The following STPG4 variants were observed in gnomAD, a reference collection of about 807,000 sequenced individuals.
STPG4 encodes sperm-tail PG-rich repeat containing 4, also known as protein STPG4.
In STPG4, 41 loss-of-function variants were observed where a neutral mutation model predicts 31.5. That is an observed-to-expected ratio of 1.30 (90% confidence interval 1.01 to 1.69). The LOEUF (loss-of-function observed/expected upper bound fraction) is 1.69, where lower values mean the gene tolerates loss of function less well. Among genes scored for constraint, STPG4 ranks in the 40% most tolerant of loss-of-function variants. The pLI, the probability that STPG4 is intolerant of heterozygous loss-of-function variation, is 0.00. For missense variants in STPG4, 375 were observed against 293.4 expected, an observed-to-expected ratio of 1.28 and a Z score of -2.03; for synonymous variants, 141 against 103.0, an observed-to-expected ratio of 1.37 and a Z score of -2.24.
chr2:47,133,015 A>C (rs534467358), intron 3 of STPG4, among the ~76,000 whole-genome samples: 10 of 152,292 alleles, frequency 6.6e-5, no homozygotes, highest in South Asian at 2.1e-4. Flanking sequence ...AACGTAATTG[A>C]AAGGGGGCTT....
At chr2:47,145,042 T>C (rs966924312) in intron 3 of STPG4, among the ~76,000 whole-genome samples, 1 of 152,204 alleles carries the variant, frequency 6.6e-6, no homozygotes, top group Admixed American at 6.5e-5. Context: ...AGAAGAGTTT[T>C]TAAAAAGATA....
intron 6 of STPG4, 22 bp downstream of exon 6, chr2:47,090,248 A>G (rs1362243963): frequency 6.6e-7 from 1 of 1,511,868 alleles, no homozygotes; most frequent in African/African-American, 1.4e-5. Context: ...GTGGGGGGCG[A>G]TCTGTCTTTC....
intron 5 of STPG4, among the ~76,000 whole-genome samples, chr2:47,093,514 G>A (rs118109011): frequency 1.3e-5 from 2 of 152,336 alleles, no homozygotes; most frequent in East Asian, 1.9e-4. Context: ...ATGATGCTGA[G>A]TGTGCGACCA....
At position 47,130,266 on chromosome 2, in the gene STPG4, C is replaced by G; in HGVS notation, c.400-6G>C. ...CCCGGAGAAAGCTGAAGTGACTGCA[C>G]AGAATGGACAAGGACACCAATAGAT... On this transcript the variant is annotated splice_region_variant and splice_polypyrimidine_tract_variant and intron_variant, in intron 3 of 6. Transcript: ENST00000445927. 6.2e-7 allele frequency: 1 copy of G among 1,613,106 alleles called. No individual in the cohort carries two copies. Among genetic ancestry groups the G allele is most frequent in the Non-Finnish European group, 8.5e-7 (1 of 1,179,264 alleles).
chr2:47,125,513 T>C (rs1026651398), intron 5 of STPG4, among the ~76,000 whole-genome samples: 1 of 152,212 alleles, frequency 6.6e-6, no homozygotes, highest in Admixed American at 6.5e-5. Context: ...GCAAATATTG[T>C]CCCCCATTAT....
rs746893084 is a variant in STPG4, at chr2:47,155,264, T to C, written c.-13A>G. On this transcript the variant is annotated 5_prime_UTR_variant, in exon 1 of 7. Transcript: ENST00000445927. ...CTGGCTGGTCCATGGTGGCCTCCTC[T>C]CTCTCTAGGCTGAACCTGAGCTCCG... 1 of 1,613,900 alleles carries C rather than the reference T, an allele frequency of 6.2e-7. No individual in the cohort carries two copies. Among genetic ancestry groups the C allele is most frequent in the Non-Finnish European group, 8.5e-7 (1 of 1,179,812 alleles).
intron 5 of STPG4, among the ~76,000 whole-genome samples, chr2:47,126,512 A>C (rs1193322621): frequency 6.6e-6 from 1 of 152,060 alleles, no homozygotes; most frequent in Non-Finnish European, 1.5e-5. Flanking sequence ...TTTTTTGTAG[A>C]GATGGAGTCT....
At chr2:47,128,660 G>A (rs917567572) in intron 5 of STPG4, among the ~76,000 whole-genome samples, 2 of 152,038 alleles carry the variant, frequency 1.3e-5, no homozygotes, top group African/African-American at 4.8e-5. Context: ...AGGCTGCCAG[G>A]CCTGGGTCTC....
intron 2 of STPG4, 32 bp from the exon 3 acceptor site, chr2:47,151,547 T>C: frequency 1.3e-6 from 2 of 1,595,022 alleles, no homozygotes; most frequent in South Asian, 1.1e-5. Context: ...TTTAAGATTG[T>C]GTAAACATGT....
intron 3 of STPG4, among the ~76,000 whole-genome samples, chr2:47,130,661 C>T (rs948891163): frequency 1.4e-4 from 21 of 152,064 alleles, no homozygotes; most frequent in African/African-American, 5.1e-4. Context: ...ATTAGAGGTG[C>T]ACACCACCAC....
At chr2:47,133,965 A>G (rs769398976) in intron 3 of STPG4, among the ~76,000 whole-genome samples, 5 of 152,156 alleles carry the variant, frequency 3.3e-5, no homozygotes, top group Non-Finnish European at 5.9e-5. Flanking sequence ...AACACCATCA[A>G]TGTCAGAAAA....
chr2:47,132,867 A>G (rs1459727120), intron 3 of STPG4, among the ~76,000 whole-genome samples: 1 of 152,204 alleles, frequency 6.6e-6, no homozygotes, highest in African/African-American at 2.4e-5. Flanking sequence ...ATTTATCTAT[A>G]CTGAGCAATC....
chr2:47,116,272 C>G (rs1686151196), intron 5 of STPG4, among the ~76,000 whole-genome samples: 1 of 152,116 alleles, frequency 6.6e-6, no homozygotes. Context: ...CCCTGCAGAT[C>G]TAAGGAATAG....
In STPG4 at chr2:47,123,653, C is replaced by A. The variant is rs148108947; in HGVS notation, c.519+6288G>T. Among the ~76,000 whole-genome samples, 20 of 152,258 alleles carry A rather than the reference C, an allele frequency of 1.3e-4. No individual in the cohort carries two copies. In the East Asian group the frequency reaches 3.7e-3, roughly 28 times the overall value. ...CCGAACATTTTCTTCTACACTTTGC[C>A]ACAAATTGGTTACTCATTTCTCGTA... On this transcript the variant is annotated intron_variant, in intron 5 of 6. Coordinates refer to ENST00000445927, the MANE Select transcript of STPG4 (RefSeq NM_001163561.2).
intron 3 of STPG4, among the ~76,000 whole-genome samples, chr2:47,146,814 G>C (rs1461492898): frequency 1.3e-5 from 2 of 151,702 alleles, no homozygotes; most frequent in South Asian, 2.1e-4. Context: ...CAAAAATGAG[G>C]ATAGGGGAGG....
chr2:47,128,474 G>A (rs556700267), intron 5 of STPG4, among the ~76,000 whole-genome samples: 1 of 152,228 alleles, frequency 6.6e-6, no homozygotes, highest in African/African-American at 2.4e-5. Flanking sequence ...GGAATTTATT[G>A]GGTACTCTAT....
intron 5 of STPG4, among the ~76,000 whole-genome samples, chr2:47,095,074 G>A (rs923120042): frequency 1.3e-5 from 2 of 152,224 alleles, no homozygotes; most frequent in African/African-American, 2.4e-5. Context: ...GTCCCAAGTT[G>A]TTAGGCATCA....
rs142404132 is a variant in STPG4, at chr2:47,130,231, G to A, written c.429C>T (p.Asn143=). The A allele has an allele frequency of 8.7e-6, 14 of 1,613,932 alleles. No individual in the cohort carries two copies. The Admixed American group carries it at 1.0e-4, about 12-fold the overall frequency. Residue 143 remains asparagine, a synonymous_variant, in exon 4 of 7, where the codon AAC becomes AAT. Transcript: ENST00000445927. ...QSLQLSPGQY[N]VLPAPVPKYA... ...ATTTGGGAACTGGTGCAGGAAGCAC[G>A]TTGTATTGCCCCGGAGAAAGCTGAA...
chr2:47,151,608 CTCTT>C, intron 2 of STPG4, 93 bp from the exon 3 acceptor site: 2 of 1,018,746 alleles, frequency 2.0e-6, no homozygotes, highest in East Asian at 2.4e-5. Context: ...AGTAACATCT[CTCTT>C]TGTTTTCAAG....
Sources: allele counts gnomAD v4.1 joint callset (sites outside exome capture counted in the v4.1 genomes callset), GRCh38; gene constraint gnomAD v4.1.1; transcripts MANE v1.5; gene names NCBI Gene and HGNC (gene_info 2026-07-23, HGNC 2026-07-21).